Variants in GRIK2 observed in about 807,000 individuals in gnomAD.
GRIK2 encodes the protein glutamate ionotropic receptor kainate type subunit 2.
A neutral mutation model predicts 100.3 loss-of-function variants in GRIK2; 32 were observed. That is an observed-to-expected ratio of 0.32 (90% CI 0.24 to 0.43). GRIK2 has a LOEUF of 0.43. Ranked by LOEUF, GRIK2 falls within the 20% of genes least tolerant of loss-of-function variation. GRIK2 has a pLI of 1.00. For synonymous variants in GRIK2, 417 were observed against 389.4 expected, an observed-to-expected ratio of 1.07 and a Z score of -0.83; for missense variants, 843 against 1,114.9, an observed-to-expected ratio of 0.76 and a Z score of 3.47.
At chr6:101,697,137 G>C (rs913561353) in intron 7 of GRIK2, among the ~76,000 whole-genome samples, 1 of 151,890 alleles carries the variant, frequency 6.6e-6, no homozygotes, top group Admixed American at 6.6e-5. Flanking sequence ...GATCAAAAGG[G>C]ATAATGAATT....
chr6:101,680,523 G>A (rs542387440), intron 5 of GRIK2, among the ~76,000 whole-genome samples: 1 of 152,144 alleles, frequency 6.6e-6, no homozygotes, highest in African/African-American at 2.4e-5. Context: ...CATAATAGTA[G>A]GACTGACTTC....
chr6:101,522,139 C>T (rs952372303), intron 2 of GRIK2, among the ~76,000 whole-genome samples: 10 of 152,056 alleles, frequency 6.6e-5, no homozygotes, highest in African/African-American at 1.9e-4. Context: ...TCTAGAAACT[C>T]GTTACTTACA....
At chr6:102,047,279 A>G (rs981870483) in intron 15 of GRIK2, among the ~76,000 whole-genome samples, 2 of 152,142 alleles carry the variant, frequency 1.3e-5, no homozygotes, top group African/African-American at 4.8e-5. Flanking sequence ...CTTTAAAAAA[A>G]TAAACAAAAT....
Position 101,761,189 on chromosome 6 carries a change from T to A in GRIK2, c.952-38459T>A, listed in dbSNP as rs111666859. ...CAAGCATACCTGTACACAGAAATAG[T>A]CTCTAGGGCCACTATCTTTGAATTC... is the stretch of plus-strand genomic sequence containing the variant. On this transcript the variant is annotated intron_variant, in intron 7 of 16. Coordinates refer to ENST00000369134, the MANE Select transcript of GRIK2 (RefSeq NM_021956.5). Among the ~76,000 whole-genome samples, 600 of 152,212 alleles carry A rather than the reference T, an allele frequency of 3.9e-3. 5 individuals carry two copies. The highest frequency in any genetic ancestry group is 0.014 in the African/African-American group (570 of 41,538).
chr6:101,908,585 G>T (rs963654715), intron 12 of GRIK2, among the ~76,000 whole-genome samples: 2 of 151,132 alleles, frequency 1.3e-5, no homozygotes, highest in African/African-American at 4.8e-5. Context: ...ATCCAGGGAA[G>T]AGGAAGAGAG....
chr6:101,704,029 C>G (rs776668768), intron 7 of GRIK2, among the ~76,000 whole-genome samples: 2 of 151,528 alleles, frequency 1.3e-5, no homozygotes, highest in Non-Finnish European at 2.9e-5. Context: ...GCAAAATTAT[C>G]TTTTTGGAAA....
At chr6:101,898,201 T>C (rs1018620070) in intron 12 of GRIK2, among the ~76,000 whole-genome samples, 1 of 151,890 alleles carries the variant, frequency 6.6e-6, no homozygotes, top group Non-Finnish European at 1.5e-5. Context: ...TGTTTTCTTT[T>C]TGTTGAATGC....
chr6:101,834,785 C>A (rs1385672257), intron 10 of GRIK2, among the ~76,000 whole-genome samples: 1 of 151,896 alleles, frequency 6.6e-6, no homozygotes, highest in Middle Eastern at 3.2e-3. Context: ...GATGACTTGA[C>A]ACCTGAAGTT....
intron 7 of GRIK2, among the ~76,000 whole-genome samples, chr6:101,742,103 G>A (rs951897187): frequency 1.3e-5 from 2 of 152,150 alleles, no homozygotes; most frequent in Non-Finnish European, 2.9e-5. Context: ...TGCTTAAGAA[G>A]ATTATCAGAA....
At chr6:101,824,878 A>G (rs554899284) in intron 10 of GRIK2, among the ~76,000 whole-genome samples, 1 of 152,270 alleles carries the variant, frequency 6.6e-6, no homozygotes, top group East Asian at 1.9e-4. Context: ...GCAAATTTCC[A>G]ATGACAATTG....
intron 12 of GRIK2, among the ~76,000 whole-genome samples, chr6:101,903,650 C>CT (rs1480701729): frequency 2.6e-5 from 4 of 151,580 alleles, no homozygotes; most frequent in African/African-American, 9.7e-5. Context: ...AATCATTACT[C>CT]TAATATTTTA....
intron 7 of GRIK2, among the ~76,000 whole-genome samples, chr6:101,720,117 C>G (rs1264345118): frequency 6.6e-6 from 1 of 151,618 alleles, no homozygotes; most frequent in Non-Finnish European, 1.5e-5. Context: ...CCCCTGCACC[C>G]CCTCGTTTGT....
chr6:101,625,764 A>G (rs1319018935), intron 3 of GRIK2, among the ~76,000 whole-genome samples: 1 of 152,204 alleles, frequency 6.6e-6, no homozygotes, highest in East Asian at 1.9e-4. Context: ...TATAGCATCC[A>G]AAAGCCAAAT....
At chr6:101,852,416 G>T (rs1784187085) in intron 10 of GRIK2, among the ~76,000 whole-genome samples, 2 of 152,074 alleles carry the variant, frequency 1.3e-5, no homozygotes. Flanking sequence ...TCATGCCCGA[G>T]CCTCATAGTG....
rs1779063443 is a variant in GRIK2 at position 101,781,136 on chromosome 6, T to C, written c.952-18512T>C. ...TATGTTATTTTTTCAGTTATCTTTTTCTAGGCATTGTTGGGCCTCTATGTA... is the reference window on the plus strand; with the variant it reads ...TATGTTATTTTTTCAGTTATCTTTTCCTAGGCATTGTTGGGCCTCTATGTA... On this transcript the variant is annotated intron_variant, in intron 7 of 16. Coordinates refer to ENST00000369134, the MANE Select transcript of GRIK2 (RefSeq NM_021956.5). Among the ~76,000 whole-genome samples, 3 of 152,208 alleles carry C rather than the reference T, an allele frequency of 2.0e-5. No homozygotes were observed. In the South Asian group the frequency reaches 6.2e-4, roughly 31 times the overall value.
At chr6:101,696,736 A>G (rs1028714329) in intron 7 of GRIK2, among the ~76,000 whole-genome samples, 2 of 152,014 alleles carry the variant, frequency 1.3e-5, no homozygotes, top group African/African-American at 4.8e-5. Flanking sequence ...ATTCAGAAAC[A>G]TAGAATAGGC....
At chr6:101,628,184 T>G (rs1269945082) in intron 4 of GRIK2, among the ~76,000 whole-genome samples, 1 of 152,008 alleles carries the variant, frequency 6.6e-6, no homozygotes, top group Admixed American at 6.6e-5. Context: ...GTGCAGAAAT[T>G]TGCCCATTTG....
intron 2 of GRIK2, among the ~76,000 whole-genome samples, chr6:101,485,621 C>A (rs1169006874): frequency 1.3e-5 from 2 of 151,952 alleles, no homozygotes; most frequent in African/African-American, 2.4e-5. Context: ...GGATTTGCAC[C>A]ATAAATATTA....
Position 101,850,777 on chromosome 6 carries a change from C to A in GRIK2, c.1318-8510C>A, listed in dbSNP as rs184221621. 3.3e-5 allele frequency among the ~76,000 whole-genome samples: 5 copies of A among 152,168 alleles called. No individual in the cohort carries two copies. In the East Asian group the frequency reaches 9.7e-4, roughly 29 times the overall value. On this transcript the variant is annotated intron_variant, in intron 10 of 16. Transcript: ENST00000369134. ...CCAGTGGAATGAAGTGCCTTTACCT[C>A]TAGCAAATGCTGATGTGGAGATTTA...
Sources: gnomAD v4.1 joint callset for allele counts (sites outside exome capture counted in the v4.1 genomes callset) on GRCh38, gnomAD v4.1.1 for gene constraint, MANE v1.5 for transcripts, NCBI Gene and HGNC (gene_info 2026-07-23, HGNC 2026-07-21) for gene names.